PCDH15: variants seen among roughly 807,000 people sequenced by gnomAD.
PCDH15 encodes protocadherin-15.
In PCDH15, 129 loss-of-function variants were observed where a neutral mutation model predicts 178.5. The observed-to-expected ratio is 0.72, with a 90% CI of 0.63 to 0.84. PCDH15 has a LOEUF of 0.84. PCDH15 is among the 40% of genes least tolerant of loss of function. The pLI is 0.00. For synonymous variants in PCDH15, 800 were observed against 732.0 expected (o/e 1.09, Z -1.50); for missense variants, 2,230 against 2,099.9 (o/e 1.06, Z -1.21).
chr10:54,832,569 G>C (rs892121299), intron 3 of PCDH15, among the ~76,000 whole-genome samples: 1 of 152,058 alleles, frequency 6.6e-6, no homozygotes, highest in African/African-American at 2.4e-5. Context: ...ATGCTATTTA[G>C]TCCTAATCTG....
chr10:55,477,280 T>G (rs1009662169), intron 2 of PCDH15, among the ~76,000 whole-genome samples: 3 of 151,870 alleles, frequency 2.0e-5, no homozygotes, highest in African/African-American at 7.2e-5. Flanking sequence ...ATGGCTTGAA[T>G]GTATGGTATG....
In PCDH15 at chr10:54,129,421, C is replaced by T. The variant is rs933660784; in HGVS notation, c.1917+3454G>A. ...TTGTTTGTTATTAGAAAAACATTTC[C>T]CTAGATAGAAGCTGCTCCACTATTC... On this transcript the variant is annotated intron_variant, in intron 15 of 37. Transcript: ENST00000644397. 3.9e-5 allele frequency among the ~76,000 whole-genome samples: 6 copies of T among 151,940 alleles called. No individual in the cohort carries two copies. The East Asian group carries it at 1.2e-3, about 29-fold the overall frequency.
chr10:54,823,089 C>G (rs1743988987), intron 3 of PCDH15, among the ~76,000 whole-genome samples: 1 of 151,938 alleles, frequency 6.6e-6, no homozygotes, highest in African/African-American at 2.4e-5. Context: ...ACCATGTTGG[C>G]CAGGTTGGTC....
intron 9 of PCDH15, among the ~76,000 whole-genome samples, chr10:54,217,892 A>G (rs1591236281): frequency 1.3e-5 from 2 of 152,208 alleles, no homozygotes; most frequent in African/African-American, 4.8e-5. Context: ...TGATTTGAAA[A>G]GTTTTCAAGA....
chr10:55,621,886 G>A (rs1442473704), intron 2 of PCDH15, among the ~76,000 whole-genome samples: 1 of 149,948 alleles, frequency 6.7e-6, no homozygotes, highest in African/African-American at 2.5e-5. Context: ...ACATATACAT[G>A]ATTTTCTGAT....
chr10:54,137,270 A>T (rs2133119874), intron 14 of PCDH15, among the ~76,000 whole-genome samples: 1 of 152,304 alleles, frequency 6.6e-6, no homozygotes, highest in South Asian at 2.1e-4. Flanking sequence ...TATTTTTGTA[A>T]TATAGCCAGT....
intron 2 of PCDH15, among the ~76,000 whole-genome samples, chr10:55,510,528 A>C (rs1401146668): frequency 6.6e-6 from 1 of 151,952 alleles, no homozygotes; most frequent in Admixed American, 6.6e-5. Flanking sequence ...TTGTGTCCTA[A>C]TCTTAAAAGT....
chr10:54,497,231 T>C (rs1426032424), intron 3 of PCDH15, among the ~76,000 whole-genome samples: 1 of 147,540 alleles, frequency 6.8e-6, no homozygotes, highest in East Asian at 2.0e-4. Context: ...CTAAACCCAA[T>C]TTGTACCACA....
chr10:55,006,401 A>C (rs1325328636), intron 2 of PCDH15, among the ~76,000 whole-genome samples: 2 of 152,216 alleles, frequency 1.3e-5, no homozygotes, highest in African/African-American at 4.8e-5. Context: ...AAAGCACATA[A>C]AACTTTAATT....
chr10:54,815,830 C>T (rs1300888241), intron 3 of PCDH15, among the ~76,000 whole-genome samples: 1 of 152,080 alleles, frequency 6.6e-6, no homozygotes, highest in Non-Finnish European at 1.5e-5. Flanking sequence ...ACACAGTACA[C>T]TACTCTAAAT....
intron 8 of PCDH15, among the ~76,000 whole-genome samples, chr10:54,292,080 CT>C (rs1211118252): frequency 6.6e-6 from 1 of 152,174 alleles, no homozygotes; most frequent in African/African-American, 2.4e-5. Context: ...CAATAAAATA[CT>C]GGCAAACCAA....
chr10:55,165,645 C>T (rs1164156321), intron 2 of PCDH15, among the ~76,000 whole-genome samples: 1 of 151,814 alleles, frequency 6.6e-6, no homozygotes, highest in Non-Finnish European at 1.5e-5. Flanking sequence ...TTCATATACT[C>T]GTGGATGAAA....
At chr10:54,492,374 G>A (rs1428696330) in intron 3 of PCDH15, among the ~76,000 whole-genome samples, 2 of 152,126 alleles carry the variant, frequency 1.3e-5, no homozygotes, top group Non-Finnish European at 2.9e-5. Context: ...CAGCTGTGAA[G>A]GATTCAAAGT....
Position 53,831,501 on chromosome 10 carries a change from T to C in PCDH15, c.4016A>G (p.Lys1339Arg). 4 of 1,614,156 alleles carry C rather than the reference T, an allele frequency of 2.5e-6. No homozygotes were observed. Among genetic ancestry groups the C allele is most frequent in the Non-Finnish European group, 3.4e-6 (4 of 1,179,990 alleles). Residue 1339 changes from lysine to arginine, a missense_variant, in exon 30 of 38, where the codon AAA becomes AGA. Transcript: ENST00000644397. ...FLDGKLLDIN[K>R]DFQPYYGEGG... ...TTCCCCATAATACGGCTGAAAGTCT[T>C]TATTGATATCAAGTAGTTTGCCATC...
At chr10:55,143,956 C>A (rs900646655) in intron 2 of PCDH15, among the ~76,000 whole-genome samples, 3 of 151,726 alleles carry the variant, frequency 2.0e-5, no homozygotes, top group African/African-American at 7.3e-5. Context: ...TTTTGAATTA[C>A]TGAAACAAAT....
At chr10:55,085,818 T>C (rs1198095926) in intron 2 of PCDH15, among the ~76,000 whole-genome samples, 1 of 151,826 alleles carries the variant, frequency 6.6e-6, no homozygotes, top group Non-Finnish European at 1.5e-5. Context: ...AGCTGATAAT[T>C]TGTTTATAAT....
intron 29 of PCDH15, 152 bp downstream of exon 29, chr10:53,840,168 G>A (rs1009742497): frequency 2.2e-6 from 2 of 906,022 alleles, no homozygotes; most frequent in African/African-American, 2.6e-5. Context: ...TAAGGCATGA[G>A]AATCCTAGGT....
In PCDH15 at chr10:55,234,337, TA is replaced by T. The variant is rs538999428; in HGVS notation, c.-155-67687del. 1.1e-3 allele frequency among the ~76,000 whole-genome samples: 161 copies of T among 151,952 alleles called. No homozygotes were observed. The South Asian group carries it at 0.013, about 13-fold the overall frequency. ...TAAGAGCAGATCTTCATATTTAAAT[TA>T]AAAAAAATTAAATATTCATTTTTAA... On this transcript the variant is annotated intron_variant, in intron 1 of 5. Transcript: ENST00000458638.
chr10:54,134,624 G>C (rs189491418), intron 14 of PCDH15, among the ~76,000 whole-genome samples: 3 of 151,674 alleles, frequency 2.0e-5, no homozygotes, highest in Admixed American at 1.3e-4. Flanking sequence ...GTGGTTGCGG[G>C]CGCCTGGGGT....
Sources: allele counts gnomAD v4.1 joint callset (sites outside exome capture counted in the v4.1 genomes callset), GRCh38; gene constraint gnomAD v4.1.1; transcripts MANE v1.5; gene names NCBI Gene and HGNC (gene_info 2026-07-23, HGNC 2026-07-21).